The following CRB1 variants were observed in gnomAD, a reference collection of about 807,000 sequenced individuals.
CRB1 encodes protein crumbs homolog 1.
Under a neutral mutation model 120.0 loss-of-function variants are expected in CRB1, and 83 were observed. That is an observed-to-expected ratio of 0.69 (90% confidence interval 0.58 to 0.83). The LOEUF (loss-of-function observed/expected upper bound fraction) is 0.83. CRB1 is among the 40% of genes least tolerant of loss of function. CRB1 has a pLI of 0.00. For missense variants in CRB1, 1,699 were observed against 1,687.6 expected (o/e 1.01, Z -0.12); for synonymous variants, 625 against 612.5 (o/e 1.02, Z -0.30).
chr1:197,336,035 C>G (rs1341002524), intron 2 of CRB1, among the ~76,000 whole-genome samples: 1 of 152,222 alleles, frequency 6.6e-6, no homozygotes, highest in Non-Finnish European at 1.5e-5. Flanking sequence ...TATTGCCATG[C>G]AGTGTCTTTC....
At chr1:197,300,900 A>G (rs1656823433) in intron 1 of CRB1, among the ~76,000 whole-genome samples, 1 of 152,206 alleles carries the variant, frequency 6.6e-6, no homozygotes, top group South Asian at 2.1e-4. Context: ...GCCCCTTACA[A>G]ATGGTGCTAA....
chr1:197,405,250 AT>A (rs949370266), intron 5 of CRB1, among the ~76,000 whole-genome samples: 15 of 151,744 alleles, frequency 9.9e-5, no homozygotes, highest in African/African-American at 3.2e-4. Flanking sequence ...TGGTTTTCTT[AT>A]TTTTTTGGTG....
At chr1:197,442,094 CT>C (rs1665472498) in intron 10 of CRB1, 71 bp from the exon 11 acceptor site, 3 of 1,603,910 alleles carry the variant, frequency 1.9e-6, no homozygotes, top group Non-Finnish European at 1.7e-6. Flanking sequence ...ATAAGGCAAA[CT>C]TTTTCTTCCC....
intron 1 of CRB1, among the ~76,000 whole-genome samples, chr1:197,285,295 C>T (rs778578756): frequency 4.0e-5 from 6 of 151,586 alleles, no homozygotes; most frequent in Non-Finnish European, 8.8e-5. Flanking sequence ...ATTTGGGGGT[C>T]AGAGAGTGAA....
chr1:197,345,961 GAGAC>G (rs1659747919), intron 3 of CRB1, among the ~76,000 whole-genome samples: 1 of 152,134 alleles, frequency 6.6e-6, no homozygotes, highest in African/African-American at 2.4e-5. Context: ...GGCCAACACA[GAGAC>G]AGACAGGTCA....
At chr1:197,266,320 G>T (rs1010825675), upstream of CRB1, among the ~76,000 whole-genome samples, 12 of 152,028 alleles carry the variant, frequency 7.9e-5, no homozygotes, top group African/African-American at 2.2e-4. Context: ...CTCATAGAAG[G>T]TTCCTTCTAT....
intron 2 of CRB1, among the ~76,000 whole-genome samples, chr1:197,338,805 T>A (rs1317883233): frequency 2.0e-5 from 3 of 152,196 alleles, no homozygotes; most frequent in Non-Finnish European, 4.4e-5. Flanking sequence ...ATAATATTTA[T>A]AAAGACAAAT....
chr1:197,208,480 T>C, the CRB1 span, among the ~76,000 whole-genome samples: 3 of 152,096 alleles, frequency 2.0e-5, no homozygotes, highest in Non-Finnish European at 4.4e-5. Context: ...ACTGCAATGA[T>C]TTTTATTTTT....
At chr1:197,394,987 A>G (rs1355624006) in intron 5 of CRB1, among the ~76,000 whole-genome samples, 2 of 152,170 alleles carry the variant, frequency 1.3e-5, no homozygotes, top group Non-Finnish European at 2.9e-5. Context: ...TAGGCAATCA[A>G]GGAGCATCGT....
intron 1 of CRB1, 78 bp from the exon 2 acceptor site, chr1:197,328,344 C>T: frequency 1.7e-6 from 2 of 1,203,058 alleles, no homozygotes; most frequent in Non-Finnish European, 2.4e-6. Flanking sequence ...GTTGAGGCAG[C>T]ACAAAGGTCA....
chr1:197,205,727 T>C, the CRB1 span, among the ~76,000 whole-genome samples: 1 of 152,126 alleles, frequency 6.6e-6, no homozygotes, highest in Admixed American at 6.5e-5. Context: ...GTTATATCCT[T>C]TCCTGGTTTT....
the CRB1 span, among the ~76,000 whole-genome samples, chr1:197,233,258 A>G: frequency 6.6e-6 from 1 of 152,194 alleles, no homozygotes; most frequent in African/African-American, 2.4e-5. Context: ...CAAAACTGAG[A>G]TAGTTCCTGG....
At chr1:197,382,416 G>A (rs981942181) in intron 5 of CRB1, among the ~76,000 whole-genome samples, 1 of 152,038 alleles carries the variant, frequency 6.6e-6, no homozygotes, top group Non-Finnish European at 1.5e-5. Context: ...ATAGATAAAT[G>A]AATTCAGAGA....
chr1:197,363,331 T>A (rs528550239), intron 5 of CRB1, among the ~76,000 whole-genome samples: 91 of 152,242 alleles, frequency 6.0e-4, no homozygotes, highest in Middle Eastern at 3.4e-3. Flanking sequence ...CTTTTTTTTT[T>A]TAAATCATTT....
Position 197,404,471 on chromosome 1 carries a change from T to G in CRB1, c.1172-16529T>G, listed in dbSNP as rs545388079. On this transcript the variant is annotated intron_variant, in intron 5 of 11. Coordinates refer to ENST00000367400, the MANE Select transcript of CRB1 (RefSeq NM_201253.3). ...AAAAAAAAAAAAAAAAAAAAAAAAG[T>G]AGTGGAACTTGTCAGATGACGTTAG... Among the ~76,000 whole-genome samples the G allele has an allele frequency of 7.2e-3, 989 of 137,692 alleles. 12 individuals carry two copies. The highest frequency in any genetic ancestry group is 0.025 in the African/African-American group (851 of 34,480). 90.3% of individuals were successfully genotyped at this position (137,692 alleles called of 152,430 possible).
intron 4 of CRB1, among the ~76,000 whole-genome samples, chr1:197,355,065 T>G (rs3122635): frequency 0.83 from 125,085 of 151,050 alleles, 52,098 homozygotes; most frequent in African/African-American, 0.92. Flanking sequence ...ACAGAGTGCC[T>G]ATTGTTGCAT....
the CRB1 span, among the ~76,000 whole-genome samples, chr1:197,224,350 G>A: frequency 4.1e-4 from 63 of 152,098 alleles, no homozygotes; most frequent in African/African-American, 1.5e-3. Flanking sequence ...TATTACAGCT[G>A]CAATGCAGAA....
intron 5 of CRB1, among the ~76,000 whole-genome samples, chr1:197,378,140 A>C (rs1045586829): frequency 2.6e-5 from 4 of 152,178 alleles, no homozygotes; most frequent in Non-Finnish European, 5.9e-5. Flanking sequence ...TAGTGTTTTA[A>C]AAAAGAGGAA....
chr1:197,469,713 C>T (rs939528482), intron 11 of CRB1, among the ~76,000 whole-genome samples: 1 of 152,140 alleles, frequency 6.6e-6, no homozygotes, highest in Non-Finnish European at 1.5e-5. Context: ...AGTAGTTCAC[C>T]TAACGGAAAC....
Sources: allele counts gnomAD v4.1 joint callset (sites outside exome capture counted in the v4.1 genomes callset), GRCh38; gene constraint gnomAD v4.1.1; transcripts MANE v1.5; gene names NCBI Gene and HGNC (gene_info 2026-07-23, HGNC 2026-07-21).